The following TANGO6 variants were observed in gnomAD, a reference collection of about 807,000 sequenced individuals.
The protein encoded by TANGO6 is transport and Golgi organization protein 6 homolog.
A neutral mutation model predicts 114.2 loss-of-function variants in TANGO6; 90 were observed. That is an observed-to-expected ratio of 0.79 (90% CI 0.66 to 0.94). TANGO6 has a LOEUF of 0.94. Among genes scored for constraint, TANGO6 ranks in the 40% least tolerant of loss-of-function variants. The pLI, the probability that TANGO6 is intolerant of heterozygous loss-of-function variation, is 0.00. For missense variants in TANGO6, 1,274 were observed against 1,315.3 expected, an observed-to-expected ratio of 0.97 and a Z score of 0.49; for synonymous variants, 477 against 509.8, an observed-to-expected ratio of 0.94 and a Z score of 0.87.
intron 14 of TANGO6, among the ~76,000 whole-genome samples, chr16:68,938,132 C>T (rs1035848703): frequency 2.0e-5 from 3 of 152,100 alleles, no homozygotes; most frequent in South Asian, 2.1e-4. Flanking sequence ...TCAAAGCTGT[C>T]GAGGTAAAAT....
intron 15 of TANGO6, among the ~76,000 whole-genome samples, chr16:68,974,380 C>T (rs542527307): frequency 9.9e-5 from 15 of 152,112 alleles, no homozygotes; most frequent in African/African-American, 2.4e-4. Flanking sequence ...CTTAGTCTCT[C>T]GCCAGGTGCG....
At chr16:68,950,753 G>A (rs772926043) in intron 14 of TANGO6, among the ~76,000 whole-genome samples, 59 of 151,862 alleles carry the variant, frequency 3.9e-4, no homozygotes, top group Non-Finnish European at 6.6e-4. Context: ...CAGCTGCTCA[G>A]GAGGCTGAGG....
intron 1 of TANGO6, among the ~76,000 whole-genome samples, chr16:68,854,940 T>A (rs2152153714): frequency 6.6e-6 from 1 of 152,184 alleles, no homozygotes; most frequent in African/African-American, 2.4e-5. Flanking sequence ...TGCAAAAAGG[T>A]CTGTTGAGAT....
At chr16:69,050,581 C>T (rs1200865465) in intron 17 of TANGO6, among the ~76,000 whole-genome samples, 2 of 152,026 alleles carry the variant, frequency 1.3e-5, no homozygotes, top group African/African-American at 2.4e-5. Context: ...CCTCCGCCTC[C>T]CGGGTTCAAG....
intron 1 of TANGO6, among the ~76,000 whole-genome samples, chr16:68,852,181 CCT>C (rs1961912455): frequency 1.3e-5 from 2 of 152,214 alleles, no homozygotes; most frequent in South Asian, 4.2e-4. Context: ...AATCAATACC[CCT>C]GTTTTCTAGG....
intron 14 of TANGO6, chr16:68,973,121 T>A (rs1180819728): frequency 1.8e-5 from 8 of 455,638 alleles, no homozygotes; most frequent in African/African-American, 1.6e-4. Context: ...ACCAAATAGC[T>A]CCATCTGCAA....
At chr16:69,045,382 T>A (rs1477753511) in intron 17 of TANGO6, among the ~76,000 whole-genome samples, 1 of 142,608 alleles carries the variant, frequency 7.0e-6, no homozygotes, top group Non-Finnish European at 1.5e-5. Flanking sequence ...AGGCAGAGCT[T>A]GCAGTGAGCC....
intron 12 of TANGO6, among the ~76,000 whole-genome samples, chr16:68,920,119 G>C (rs994831755): frequency 6.6e-6 from 1 of 152,202 alleles, no homozygotes; most frequent in Non-Finnish European, 1.5e-5. Context: ...AGGGTGCTGG[G>C]AATACAGCAG....
At chr16:68,927,135 T>A (rs570594639) in intron 12 of TANGO6, among the ~76,000 whole-genome samples, 6 of 152,324 alleles carry the variant, frequency 3.9e-5, no homozygotes, top group Admixed American at 1.3e-4. Flanking sequence ...CTTTAGATCA[T>A]GTAGTTAAGA....
intron 15 of TANGO6, among the ~76,000 whole-genome samples, chr16:68,997,968 A>G (rs1398528061): frequency 6.6e-6 from 1 of 152,220 alleles, no homozygotes; most frequent in African/African-American, 2.4e-5. Context: ...AAGTGTTGGT[A>G]TGGTGAGGGC....
intron 15 of TANGO6, among the ~76,000 whole-genome samples, chr16:68,980,409 C>CTCTCTATATA (rs1408626276): frequency 2.9e-5 from 2 of 68,012 alleles, no homozygotes; most frequent in African/African-American, 6.6e-5. Context: ...CTCTCTCTCT[C>CTCTCTATATA]TATATATATA....
intron 17 of TANGO6, among the ~76,000 whole-genome samples, chr16:69,072,246 G>C (rs1960308597): frequency 6.6e-6 from 1 of 151,848 alleles, no homozygotes; most frequent in Admixed American, 6.6e-5. Context: ...ACTTCTTTAA[G>C]ATATCCTTGG....
At chr16:69,027,262 C>G (rs1381785477) in intron 16 of TANGO6, among the ~76,000 whole-genome samples, 3 of 152,124 alleles carry the variant, frequency 2.0e-5, no homozygotes, top group African/African-American at 7.2e-5. Flanking sequence ...ATGGTATTTC[C>G]TGATTCTTGA....
At chr16:68,895,822 T>A (rs1187649746) in intron 7 of TANGO6, among the ~76,000 whole-genome samples, 2 of 152,218 alleles carry the variant, frequency 1.3e-5, no homozygotes, top group Non-Finnish European at 2.9e-5. Flanking sequence ...ACTGTATTTT[T>A]AAAAATTATG....
intron 5 of TANGO6, 29 bp from the exon 6 acceptor site, chr16:68,878,089 G>C: frequency 6.3e-7 from 1 of 1,585,320 alleles, no homozygotes; most frequent in Non-Finnish European, 8.6e-7. Context: ...GCAAAAAACT[G>C]GTATTTACTT....
intron 17 of TANGO6, among the ~76,000 whole-genome samples, chr16:69,063,626 C>T (rs1159099821): frequency 9.9e-6 from 1 of 101,174 alleles, no homozygotes; most frequent in Non-Finnish European, 1.8e-5. Context: ...GCAAAGGCTG[C>T]GGTGAGACTC....
At position 69,048,990 on chromosome 16, in the gene TANGO6, G is replaced by A. The variant is rs190637079; in HGVS notation, c.3108+8569G>A. ...TCTGCAAGGCTGCTGCTGCTGACCC[G>A]AAGGAGGTAAAATGAGTGTGCTCTC... On this transcript the variant is annotated intron_variant, in intron 17 of 17. Transcript: ENST00000261778. Among the ~76,000 whole-genome samples the A allele has an allele frequency of 5.8e-4, 89 of 152,270 alleles. 1 individual carries two copies. In the East Asian group the frequency reaches 0.01, roughly 18 times the overall value.
intron 9 of TANGO6, among the ~76,000 whole-genome samples, chr16:68,905,768 G>GA (rs1015199006): frequency 6.6e-6 from 1 of 152,032 alleles, no homozygotes; most frequent in African/African-American, 2.4e-5. Context: ...AGCTACTTAG[G>GA]AGGCTGAAGT....
intron 14 of TANGO6, among the ~76,000 whole-genome samples, chr16:68,959,926 G>C (rs919296797): frequency 1.3e-5 from 2 of 152,220 alleles, no homozygotes; most frequent in Non-Finnish European, 2.9e-5. Context: ...TGAAGTTCAG[G>C]TGGTTCTCCT....
Sources: allele counts gnomAD v4.1 joint callset (sites outside exome capture counted in the v4.1 genomes callset), GRCh38; gene constraint gnomAD v4.1.1; transcripts MANE v1.5; gene names NCBI Gene and HGNC (gene_info 2026-07-23, HGNC 2026-07-21).